The following BTD variants were observed in gnomAD, a reference collection of about 807,000 sequenced individuals.
BTD encodes the protein biocytinase.
Under a neutral mutation model 17.7 loss-of-function variants are expected in BTD, and 13 were observed. The ratio of observed to expected loss-of-function variants is 0.74; its 90% CI spans 0.48 to 1.17. BTD has a LOEUF of 1.17. Ranked by LOEUF, BTD falls within the 50% of genes most tolerant of loss-of-function variation. The pLI is 0.00. For missense variants in BTD, 674 were observed against 650.4 expected, an observed-to-expected ratio of 1.04 and a Z score of -0.39; for synonymous variants, 240 against 245.2, an observed-to-expected ratio of 0.98 and a Z score of 0.20.
At position 15,664,534 on chromosome 3, in the gene BTD, T is replaced by C. The variant is rs1485164228; in HGVS notation, c.399+22477T>C. Among the ~76,000 whole-genome samples, 3 of 152,234 alleles carry C rather than the reference T, an allele frequency of 2.0e-5. 1 individual carries two copies. Among genetic ancestry groups the C allele is most frequent in the South Asian group, 4.1e-4 (2 of 4,830 alleles). ...TTGAACTAAATGCTCCTGAGATTGC[T>C]GACAGCCTTTAATTTTCAGACTTCT... On this transcript the variant is annotated intron_variant, in intron 3 of 3. Transcript: ENST00000672141.
chr3:15,644,506 T>C lies in BTD; in HGVS notation c.590T>C (p.Phe197Ser). Residue 197 changes from phenylalanine to serine, a missense_variant, in exon 4 of 4, where the codon TTT (phenylalanine) becomes TCT (serine). Transcript: ENST00000643237. ...VDRYRKHNLY[F>S]EAAFDVPLKV... Reference sequence around the variant, plus strand: ...CGCTACCGTAAACACAACCTCTACTTTGAGGCAGCATTCGATGTTCCTCTT... The same window carrying C: ...CGCTACCGTAAACACAACCTCTACTCTGAGGCAGCATTCGATGTTCCTCTT... 1 of 1,614,172 alleles carries C rather than the reference T, an allele frequency of 6.2e-7. No individual in the cohort carries two copies. The highest frequency in any genetic ancestry group is 2.2e-5 in the East Asian group (1 of 44,890).
intron 3 of BTD, among the ~76,000 whole-genome samples, chr3:15,643,176 T>G (rs994098559): frequency 2.0e-5 from 3 of 152,232 alleles, no homozygotes; most frequent in African/African-American, 7.2e-5. Flanking sequence ...TGAGTGCCTC[T>G]TTTTCCATCC....
At chr3:15,666,186 C>T (rs536760208) in intron 3 of BTD, among the ~76,000 whole-genome samples, 112 of 152,218 alleles carry the variant, frequency 7.4e-4, no homozygotes, top group African/African-American at 2.5e-3. Flanking sequence ...ACATGTTTCT[C>T]CTAAAAATAA....
At chr3:15,685,331 T>C (rs1305457715) in intron 3 of BTD, 3 of 1,613,990 alleles carry the variant, frequency 1.9e-6, no homozygotes, top group South Asian at 1.1e-5. Flanking sequence ...AGAACACCAA[T>C]GTGTCCACAG....
intron 3 of BTD, chr3:15,677,407 A>T: frequency 9.1e-7 from 1 of 1,098,582 alleles, no homozygotes; most frequent in Non-Finnish European, 1.4e-6. Flanking sequence ...TGTTCATTTT[A>T]GTGAAGTCAA....
At chr3:15,677,645 T>C (rs933070477) in intron 3 of BTD, 2 of 1,048,220 alleles carry the variant, frequency 1.9e-6, no homozygotes, top group Admixed American at 2.5e-5. Flanking sequence ...GAAATGAAGA[T>C]ACAAAGCAAA....
At chr3:15,665,807 C>T (rs1387976102) in intron 3 of BTD, among the ~76,000 whole-genome samples, 1 of 152,182 alleles carries the variant, frequency 6.6e-6, no homozygotes, top group Non-Finnish European at 1.5e-5. Flanking sequence ...GTGCTTCTAC[C>T]ATCAGTGTGG....
chr3:15,714,005 T>C (rs536502144), downstream of BTD, among the ~76,000 whole-genome samples: 7 of 152,272 alleles, frequency 4.6e-5, no homozygotes, highest in South Asian at 1.4e-3. Context: ...CTTCAAAAAA[T>C]ATTGGATCAT....
At chr3:15,707,788 C>A in intron 3 of BTD, 1 of 1,059,724 alleles carries the variant, frequency 9.4e-7, no homozygotes, top group Non-Finnish European at 1.3e-6. Context: ...CAATCTATTT[C>A]CCAAAATAGA....
chr3:15,694,277 TAGTGTGAGCA>T (rs1487823471), intron 3 of BTD, among the ~76,000 whole-genome samples: 1 of 152,158 alleles, frequency 6.6e-6, no homozygotes, highest in African/African-American at 2.4e-5. Context: ...CCAAATCCTA[TAGTGTGAGCA>T]ACTAAAGGAC....
intron 3 of BTD, among the ~76,000 whole-genome samples, chr3:15,689,274 A>T (rs2068506466): frequency 6.6e-6 from 1 of 152,200 alleles, no homozygotes; most frequent in African/African-American, 2.4e-5. Context: ...CTTCAAAACA[A>T]CACAGGCGCC....
chr3:15,615,816 C>G (rs2064774535), intron 1 of BTD, among the ~76,000 whole-genome samples: 1 of 152,220 alleles, frequency 6.6e-6, no homozygotes. Flanking sequence ...TCTCCCTTAA[C>G]ACTTGGCAAC....
chr3:15,660,824 CAT>C (rs1436825600), intron 3 of BTD, among the ~76,000 whole-genome samples: 1 of 152,168 alleles, frequency 6.6e-6, no homozygotes, highest in African/African-American at 2.4e-5. Flanking sequence ...TTACTGCCCC[CAT>C]AGTTTTGCCT....
intron 2 of BTD, among the ~76,000 whole-genome samples, chr3:15,639,431 G>T (rs980501227): frequency 6.6e-6 from 1 of 152,064 alleles, no homozygotes; most frequent in African/African-American, 2.4e-5. Flanking sequence ...TGGTAAAGCT[G>T]GTTCAAAGGA....
Position 15,644,418 on chromosome 3 carries a change from A to G in BTD, c.502A>G (p.Lys168Glu). The G allele has an allele frequency of 6.2e-7, 1 of 1,614,178 alleles. No homozygotes were observed. The part of the protein sequence containing the change: ...PCHSSDPRCP[K>E]DGRYQFNTNV... ...TCATAGCAGTGACCCAAGGTGCCCA[A>G]AAGATGGGAGATACCAGTTCAACAC... Residue 168 changes from lysine to glutamate, a missense_variant, in exon 4 of 4, where the codon AAA (lysine) becomes GAA (glutamate). Coordinates refer to ENST00000643237, the MANE Select transcript of BTD (RefSeq NM_001370658.1).
downstream of BTD, among the ~76,000 whole-genome samples, chr3:15,653,845 C>G (rs1237364403): frequency 6.6e-6 from 1 of 152,196 alleles, no homozygotes; most frequent in Non-Finnish European, 1.5e-5. Flanking sequence ...GTGTAAAATA[C>G]TGTGCTAGAA....
intron 1 of BTD, among the ~76,000 whole-genome samples, chr3:15,611,978 CT>C (rs888577508): frequency 6.7e-6 from 1 of 150,224 alleles, no homozygotes; most frequent in African/African-American, 2.4e-5. Context: ...TTGTCTTTAC[CT>C]TTTTTTTTCT....
At chr3:15,682,784 C>A (rs1028946687) in intron 3 of BTD, among the ~76,000 whole-genome samples, 17 of 152,124 alleles carry the variant, frequency 1.1e-4, no homozygotes, top group Admixed American at 1.1e-3. Context: ...AATTATAAAA[C>A]GGGCTTTTGG....
intron 3 of BTD, among the ~76,000 whole-genome samples, chr3:15,698,193 T>A (rs1368974938): frequency 6.6e-6 from 1 of 152,210 alleles, no homozygotes; most frequent in Non-Finnish European, 1.5e-5. Flanking sequence ...TCAACAGCAC[T>A]TCATGCTAAA....
Sources: gnomAD v4.1 joint callset for allele counts (sites outside exome capture counted in the v4.1 genomes callset) on GRCh38, gnomAD v4.1.1 for gene constraint, MANE v1.5 for transcripts, NCBI Gene and HGNC (gene_info 2026-07-23, HGNC 2026-07-21) for gene names.